The following MROH9 variants were observed in gnomAD, a reference collection of about 807,000 sequenced individuals.
MROH9 encodes the protein maestro heat-like repeat-containing protein family member 9.
In MROH9, 92 loss-of-function variants were observed where a neutral mutation model predicts 98.2. The observed-to-expected ratio is 0.94, with a 90% CI of 0.79 to 1.11. The LOEUF (loss-of-function observed/expected upper bound fraction) is 1.11. Among genes scored for constraint, MROH9 ranks in the 50% most tolerant of loss-of-function variants. The pLI is 0.00. For synonymous variants in MROH9, 397 were observed against 368.9 expected (o/e 1.08, Z -0.87); for missense variants, 1,057 against 1,014.8 (o/e 1.04, Z -0.57).
chr1:171,006,216 G>T (rs1308551802), intron 15 of MROH9, among the ~76,000 whole-genome samples: 1 of 151,670 alleles, frequency 6.6e-6, no homozygotes, highest in Admixed American at 6.6e-5. Flanking sequence ...TGGTTGTCAG[G>T]TTTTTTTTCT....
intron 6 of MROH9, among the ~76,000 whole-genome samples, 190 bp from the exon 7 acceptor site, chr1:170,964,961 A>G (rs1650173540): frequency 6.6e-6 from 1 of 152,026 alleles, no homozygotes; most frequent in Non-Finnish European, 1.5e-5. Context: ...AAACCCAGAT[A>G]CAGTTTCCAT....
At chr1:171,057,095 C>T (rs1653861040) in intron 20 of MROH9, among the ~76,000 whole-genome samples, 1 of 152,182 alleles carries the variant, frequency 6.6e-6, no homozygotes, top group Non-Finnish European at 1.5e-5. Flanking sequence ...AGCAAGGGCA[C>T]AGCACTGGAC....
chr1:171,044,972 CTTTTTTTTTTTT>C (rs754332732), intron 20 of MROH9, among the ~76,000 whole-genome samples: 1 of 45,674 alleles, frequency 2.2e-5, no homozygotes, highest in African/African-American at 6.9e-5. Flanking sequence ...CTGCTCTGAT[CTTTTTTTTTTTT>C]TTTTTTTTTT....
At chr1:170,952,062 A>T (rs1489379553) in intron 3 of MROH9, among the ~76,000 whole-genome samples, 1 of 151,658 alleles carries the variant, frequency 6.6e-6, no homozygotes, top group African/African-American at 2.4e-5. Flanking sequence ...ACCATCTCAC[A>T]CCAGTTAGAA....
At chr1:170,965,897 A>T (rs547381420) in intron 7 of MROH9, among the ~76,000 whole-genome samples, 3 of 152,212 alleles carry the variant, frequency 2.0e-5, no homozygotes, top group Admixed American at 2.0e-4. Context: ...TCCTATAGAC[A>T]TTTTCATGTC....
intron 15 of MROH9, 138 bp from the exon 16 acceptor site, chr1:171,013,979 G>A: frequency 1.5e-6 from 1 of 685,960 alleles, no homozygotes; most frequent in Non-Finnish European, 2.4e-6. Context: ...CCCCACTGCT[G>A]TGAGCACTGA....
chr1:170,992,520 A>G (rs890446803), intron 12 of MROH9, among the ~76,000 whole-genome samples, 191 bp downstream of exon 12: 1 of 152,194 alleles, frequency 6.6e-6, no homozygotes, highest in African/African-American at 2.4e-5. Flanking sequence ...TTGGTAAGAA[A>G]CACAGACAAT....
chr1:170,972,270 A>T (rs1650487543), intron 8 of MROH9, among the ~76,000 whole-genome samples: 1 of 152,242 alleles, frequency 6.6e-6, no homozygotes. Context: ...GTGGAGAAAA[A>T]TAAGACTAGG....
intron 9 of MROH9, 23 bp downstream of exon 9, chr1:170,983,557 C>G: frequency 7.1e-7 from 1 of 1,401,872 alleles, no homozygotes; most frequent in Non-Finnish European, 1.0e-6. Flanking sequence ...CCACTTTTTC[C>G]GAGGGCTTTT....
intron 8 of MROH9, among the ~76,000 whole-genome samples, chr1:170,974,492 T>C (rs1650606366): frequency 6.6e-6 from 1 of 151,628 alleles, no homozygotes; most frequent in South Asian, 2.1e-4. Context: ...TGACACAAGT[T>C]ATAGGCAATG....
Position 170,958,478 on chromosome 1 carries a change from C to G in MROH9, c.90C>G (p.Ser30Arg), listed in dbSNP as rs1317787709. The G allele has an allele frequency of 2.5e-6, 4 of 1,584,122 alleles. No individual in the cohort carries two copies. The highest frequency in any genetic ancestry group is 3.5e-6 in the Non-Finnish European group (4 of 1,159,348). ...KWHHMAHKVN[S>R]LLDAYSGLLS... ...GTACTTAGGCACATAAAGTTAACAG[C>G]CTATTGGATGCATACTCAGGCCTGT... Residue 30 changes from serine to arginine, a missense_variant, in exon 4 of 22, where the codon AGC becomes AGG. By Grantham distance (110) the Ser-to-Arg change is moderately radical (BLOSUM62 -1). Coordinates refer to ENST00000367759, the MANE Select transcript of MROH9 (RefSeq NM_001163629.2).
chr1:171,024,585 G>A (rs1652645127), intron 18 of MROH9, 38 bp downstream of exon 18: 2 of 1,526,974 alleles, frequency 1.3e-6, no homozygotes, highest in Non-Finnish European at 1.8e-6. Context: ...AATTTACCAA[G>A]GATTGTAATG....
chr1:171,022,963 A>C (rs1357899434), intron 17 of MROH9, among the ~76,000 whole-genome samples: 1 of 152,230 alleles, frequency 6.6e-6, no homozygotes, highest in African/African-American at 2.4e-5. Flanking sequence ...CAGAGCGCTC[A>C]TATAAAAAAA....
At chr1:171,057,750 T>A (rs1653890825) in intron 20 of MROH9, among the ~76,000 whole-genome samples, 1 of 152,078 alleles carries the variant, frequency 6.6e-6, no homozygotes, top group Non-Finnish European at 1.5e-5. Context: ...GGGAAGCCAA[T>A]CAGACGAAGA....
At chr1:171,010,132 T>C (rs1389444773) in intron 15 of MROH9, among the ~76,000 whole-genome samples, 1 of 152,174 alleles carries the variant, frequency 6.6e-6, no homozygotes, top group Non-Finnish European at 1.5e-5. Flanking sequence ...CAGTGTGTGA[T>C]GTTCCCCTCC....
At chr1:171,013,216 G>T (rs892157502) in intron 15 of MROH9, among the ~76,000 whole-genome samples, 2 of 152,022 alleles carry the variant, frequency 1.3e-5, no homozygotes, top group Non-Finnish European at 2.9e-5. Flanking sequence ...ATAGATCAGG[G>T]GTCCCCAGCT....
intron 7 of MROH9, among the ~76,000 whole-genome samples, chr1:170,968,347 G>A (rs1482587816): frequency 6.6e-6 from 1 of 152,170 alleles, no homozygotes; most frequent in African/African-American, 2.4e-5. Context: ...AAAAACCATT[G>A]TTAAGCTCCC....
intron 3 of MROH9, among the ~76,000 whole-genome samples, chr1:170,951,402 A>C (rs1048719422): frequency 1.3e-5 from 2 of 152,172 alleles, no homozygotes; most frequent in South Asian, 4.1e-4. Flanking sequence ...TTTCAGCAAC[A>C]GAATCTACAT....
At chr1:171,046,746 T>C (rs1653484626) in intron 20 of MROH9, among the ~76,000 whole-genome samples, 1 of 152,224 alleles carries the variant, frequency 6.6e-6, no homozygotes, top group Admixed American at 6.5e-5. Flanking sequence ...GTGTACTTAC[T>C]ATTACCAGTG....
Sources: gnomAD v4.1 joint callset for allele counts (sites outside exome capture counted in the v4.1 genomes callset) on GRCh38, gnomAD v4.1.1 for gene constraint, MANE v1.5 for transcripts, NCBI Gene and HGNC (gene_info 2026-07-23, HGNC 2026-07-21) for gene names.